IQGAP2: variants seen among roughly 807,000 people sequenced by gnomAD.
IQGAP2 encodes the protein ras GTPase-activating-like protein IQGAP2.
In IQGAP2, 173 loss-of-function variants were observed where a neutral mutation model predicts 201.3. That is an observed-to-expected ratio of 0.86 (90% confidence interval 0.76 to 0.98). IQGAP2 has a LOEUF of 0.98. Among genes scored for constraint, IQGAP2 ranks in the 50% least tolerant of loss-of-function variants. IQGAP2 has a pLI of 0.00. For synonymous variants in IQGAP2, 675 were observed against 673.9 expected, an observed-to-expected ratio of 1.00 and a Z score of -0.03; for missense variants, 1,687 against 1,864.8, an observed-to-expected ratio of 0.90 and a Z score of 1.76.
At chr5:76,688,018 T>C (rs1359503388) in intron 30 of IQGAP2, among the ~76,000 whole-genome samples, 5 of 152,182 alleles carry the variant, frequency 3.3e-5, no homozygotes, top group Admixed American at 1.3e-4. Flanking sequence ...CTTTAAAATA[T>C]TGATTTGAAC....
chr5:76,438,035 G>GTTTTT (rs71604291), intron 1 of IQGAP2, among the ~76,000 whole-genome samples: 40 of 68,538 alleles, frequency 5.8e-4, no homozygotes, highest in South Asian at 1.5e-3. Context: ...TTTTTTGTTT[G>GTTTTT]TTTTTTTTTT....
intron 35 of IQGAP2, among the ~76,000 whole-genome samples, chr5:76,704,607 T>G (rs554222155): frequency 2.0e-5 from 3 of 152,324 alleles, no homozygotes; most frequent in African/African-American, 7.2e-5. Context: ...TTAGCAGGGC[T>G]CAGAGCAAAA....
chr5:76,644,989 T>C (rs910927221), intron 17 of IQGAP2, among the ~76,000 whole-genome samples: 18 of 152,148 alleles, frequency 1.2e-4, no homozygotes, highest in Non-Finnish European at 2.9e-5. Flanking sequence ...CCTAATGCTA[T>C]CCCTCCCCTA....
chr5:76,554,280 C>G (rs1469078755), intron 2 of IQGAP2, among the ~76,000 whole-genome samples: 4 of 151,858 alleles, frequency 2.6e-5, no homozygotes, highest in Non-Finnish European at 5.9e-5. Flanking sequence ...ATATAAAATA[C>G]CAAAAATATA....
chr5:76,416,514 G>A (rs1335243290), intron 1 of IQGAP2, among the ~76,000 whole-genome samples: 1 of 151,482 alleles, frequency 6.6e-6, no homozygotes, highest in African/African-American at 2.4e-5. Flanking sequence ...TGTGATATTG[G>A]GTATAAGTTC....
At position 76,527,612 on chromosome 5, in the gene IQGAP2, C is replaced by T. The variant is rs145616232; in HGVS notation, c.147-34784C>T. The stretch of plus-strand genomic sequence containing the variant: ...TAATTTATTAAAACACTAAGGATGA[C>T]GTCTATAATTGTCGTATTAATCTCT... On this transcript the variant is annotated intron_variant, in intron 2 of 35. Transcript: ENST00000274364. Among the ~76,000 whole-genome samples, 35 of 152,300 alleles carry T rather than the reference C, an allele frequency of 2.3e-4. 1 individual carries two copies. In the East Asian group the frequency reaches 6.0e-3, roughly 26 times the overall value.
At chr5:76,507,602 CA>C (rs1480704690) in intron 2 of IQGAP2, among the ~76,000 whole-genome samples, 1 of 152,166 alleles carries the variant, frequency 6.6e-6, no homozygotes, top group African/African-American at 2.4e-5. Context: ...AATGAAAAGA[CA>C]GGCCACAGAC....
At chr5:76,595,243 CTTTTTTTTTTT>C (rs1180358517) in intron 9 of IQGAP2, among the ~76,000 whole-genome samples, 109 of 35,304 alleles carry the variant, frequency 3.1e-3, no homozygotes, top group African/African-American at 0.012. Flanking sequence ...CATTTCTTTG[CTTTTTTTTTTT>C]TTTTTTTTTT....
At chr5:76,669,465 G>A (rs1465607722) in intron 23 of IQGAP2, among the ~76,000 whole-genome samples, 1 of 152,174 alleles carries the variant, frequency 6.6e-6, no homozygotes, top group African/African-American at 2.4e-5. Context: ...ATGCTATGCA[G>A]TGGAATGTGG....
rs758951131 is a variant in IQGAP2 at position 76,597,447 on chromosome 5, G to T, written c.916G>T (p.Ala306Ser). Residue 306 changes from alanine to serine, a missense_variant, in exon 10 of 36, where the codon GCA becomes TCA. Transcript: ENST00000274364. Reference protein sequence around the residue: ...GNINKVNRQAAVDHINAVIPE... With the variant: ...GNINKVNRQASVDHINAVIPE... ...TGAACCCCCATCCTCAGGGCAGGCTGCAGTGGACCATATCAATGCTGTCAT... is the reference window on the plus strand; with the variant it reads ...TGAACCCCCATCCTCAGGGCAGGCTTCAGTGGACCATATCAATGCTGTCAT... The T allele has an allele frequency of 6.2e-7, 1 of 1,614,034 alleles. No individual in the cohort carries two copies. The highest frequency in any genetic ancestry group is 2.2e-5 in the East Asian group (1 of 44,882).
chr5:76,424,468 C>T (rs888295896), intron 1 of IQGAP2, among the ~76,000 whole-genome samples: 5 of 152,090 alleles, frequency 3.3e-5, no homozygotes, highest in African/African-American at 7.2e-5. Flanking sequence ...CCACCATGCC[C>T]GGCTCATTTT....
chr5:76,611,075 G>A lies in IQGAP2; in HGVS notation c.1413G>A (p.Arg471=). 6.2e-7 allele frequency: 1 copy of A among 1,613,806 alleles called. No individual in the cohort carries two copies. Among genetic ancestry groups the A allele is most frequent in the Non-Finnish European group, 8.5e-7 (1 of 1,179,750 alleles). ...NEAIDEGNPL[R]TLETLLLPTA... ...CTATTGATGAAGGGAATCCTTTGAGGACTTTAGAAACTTTGCTCCTACCTA... is the reference window on the plus strand; with the variant it reads ...CTATTGATGAAGGGAATCCTTTGAGAACTTTAGAAACTTTGCTCCTACCTA... Residue 471 remains arginine (R), a synonymous_variant, in exon 13 of 36, where the codon AGG becomes AGA. Transcript: ENST00000274364.
Position 76,589,596 on chromosome 5 carries a change from T to C in IQGAP2, c.527-19T>C. 7.4e-7 allele frequency: 1 copy of C among 1,356,508 alleles called. No homozygotes were observed. The highest frequency in any genetic ancestry group is 1.0e-6 in the Non-Finnish European group (1 of 963,042). The allele number at this position is 1,356,508 out of a possible 1,614,324, so 84.0% of individuals were successfully genotyped here. A position where few individuals can be genotyped will look rare whatever the true frequency, so the allele number is the denominator to read the frequency against. On this transcript the variant is annotated intron_variant, in intron 6 of 35. Transcript: ENST00000274364. ...TAGCTTTCTCTGATAATGATTATGA[T>C]TATTTTGTTCTTTGTTAGAGGAGGA...
chr5:76,676,504 A>G (rs1744836411), intron 27 of IQGAP2, among the ~76,000 whole-genome samples: 1 of 152,276 alleles, frequency 6.6e-6, no homozygotes, highest in Non-Finnish European at 1.5e-5. Flanking sequence ...ATAGAATAAA[A>G]TGTATATTCG....
intron 9 of IQGAP2, 21 bp from the exon 10 acceptor site, chr5:76,597,418 A>C (rs1747110360): frequency 6.2e-7 from 1 of 1,612,478 alleles, no homozygotes; most frequent in East Asian, 2.2e-5. Context: ...ATTCTGACAA[A>C]ACATGAACCC....
intron 15 of IQGAP2, among the ~76,000 whole-genome samples, chr5:76,635,670 C>G (rs1751067060): frequency 6.6e-6 from 1 of 152,134 alleles, no homozygotes; most frequent in East Asian, 1.9e-4. Context: ...TGGCAAAACC[C>G]ATCTCTACAA....
chr5:76,541,452 T>C (rs1028266088), intron 2 of IQGAP2, among the ~76,000 whole-genome samples: 2 of 152,226 alleles, frequency 1.3e-5, no homozygotes, highest in African/African-American at 4.8e-5. Flanking sequence ...ACGTGAGTTG[T>C]TTCCATGTTT....
chr5:76,626,468 A>G (rs1361679890), intron 13 of IQGAP2, among the ~76,000 whole-genome samples: 1 of 151,474 alleles, frequency 6.6e-6, no homozygotes, highest in Non-Finnish European at 1.5e-5. Context: ...ATGAGGTTTC[A>G]CCATGTTGGC....
chr5:76,567,486 C>A (rs1298680803), intron 3 of IQGAP2, among the ~76,000 whole-genome samples: 1 of 152,156 alleles, frequency 6.6e-6, no homozygotes, highest in East Asian at 1.9e-4. Context: ...TATTGTGAGG[C>A]ACAAAATGAT....
Sources: allele counts gnomAD v4.1 joint callset (sites outside exome capture counted in the v4.1 genomes callset), GRCh38; gene constraint gnomAD v4.1.1; transcripts MANE v1.5; gene names NCBI Gene and HGNC (gene_info 2026-07-23, HGNC 2026-07-21).